The following LYPD6 variants were observed in gnomAD, a reference collection of about 807,000 sequenced individuals.
The protein encoded by LYPD6 is ly6/PLAUR domain-containing protein 6.
In LYPD6, 15 loss-of-function variants were observed where a neutral mutation model predicts 22.7. The observed-to-expected ratio is 0.66, with a 90% CI of 0.44 to 1.02. LYPD6 has a LOEUF of 1.02. Ranked by LOEUF, LYPD6 falls within the 50% of genes least tolerant of loss-of-function variation. The probability of loss-of-function intolerance (pLI) is 0.00; values close to 1 mark genes in which losing one functional copy is unlikely to be tolerated. For missense variants in LYPD6, 189 were observed against 208.4 expected (o/e 0.91, Z 0.57); for synonymous variants, 72 against 77.5 (o/e 0.93, Z 0.37).
intron 2 of LYPD6, among the ~76,000 whole-genome samples, chr2:149,440,693 C>CTTTTTTTTTTTTTT (rs764789006): frequency 2.2e-5 from 2 of 91,068 alleles, no homozygotes; most frequent in Non-Finnish European, 3.9e-5. Flanking sequence ...TTCTGTCCAC[C>CTTTTTTTTTTTTTT]TTTTTTTTTT....
chr2:149,459,653 G>A (rs1431599725), intron 3 of LYPD6, among the ~76,000 whole-genome samples: 3 of 152,186 alleles, frequency 2.0e-5, no homozygotes, highest in East Asian at 3.8e-4. Flanking sequence ...AGTAATCCCA[G>A]CACTTTGGGA....
chr2:149,415,091 A>G (rs1559143762), intron 1 of LYPD6, among the ~76,000 whole-genome samples: 1 of 152,200 alleles, frequency 6.6e-6, no homozygotes, highest in Admixed American at 6.5e-5. Context: ...TTATAGATGG[A>G]CACACACTCT....
intron 1 of LYPD6, among the ~76,000 whole-genome samples, chr2:149,387,698 C>T (rs1682218212): frequency 6.6e-6 from 1 of 152,062 alleles, no homozygotes; most frequent in African/African-American, 2.4e-5. Context: ...ACGAGGTGCT[C>T]CCAGCAAGGG....
At chr2:149,476,324 A>G (rs1295481840), downstream of LYPD6, among the ~76,000 whole-genome samples, 1 of 152,196 alleles carries the variant, frequency 6.6e-6, no homozygotes, top group Non-Finnish European at 1.5e-5. Context: ...TCATTCTAAT[A>G]TGAGAAGAAA....
intron 3 of LYPD6, among the ~76,000 whole-genome samples, chr2:149,454,267 A>T (rs908193814): frequency 1.3e-5 from 2 of 152,214 alleles, no homozygotes; most frequent in African/African-American, 4.8e-5. Context: ...ATATGAAGCA[A>T]TAGAACCCCA....
rs796579152 is a variant in LYPD6, at chr2:149,410,614, G to GA, written c.-71-27014dup. ...TAATCCTCTATTCCCCATGTCAATA[G>GA]AAAAAAAAAAGAGTGCAGATTGTCT... On this transcript the variant is annotated intron_variant, in intron 1 of 4. Transcript: ENST00000334166. Among the ~76,000 whole-genome samples, 531 of 148,174 alleles carry GA rather than the reference G, an allele frequency of 3.6e-3. 2 individuals are homozygous for GA. The highest frequency in any genetic ancestry group is 0.012 in the African/African-American group (485 of 40,540).
At chr2:149,388,155 A>C (rs1177233583) in intron 1 of LYPD6, among the ~76,000 whole-genome samples, 1 of 149,066 alleles carries the variant, frequency 6.7e-6, no homozygotes, top group African/African-American at 2.5e-5. Context: ...AATATGTGTA[A>C]CTACCTTTCT....
At chr2:149,461,487 T>C (rs1036918048) in intron 3 of LYPD6, among the ~76,000 whole-genome samples, 1 of 151,902 alleles carries the variant, frequency 6.6e-6, no homozygotes, top group Non-Finnish European at 1.5e-5. Flanking sequence ...CAATTCTAGA[T>C]AAAATCTTCC....
At chr2:149,377,659 A>G (rs1344691610) in intron 1 of LYPD6, among the ~76,000 whole-genome samples, 1 of 152,092 alleles carries the variant, frequency 6.6e-6, no homozygotes, top group African/African-American at 2.4e-5. Context: ...ACACACCTAT[A>G]GTTCCAGCTA....
chr2:149,478,062 TTAGC>T (rs79139734), downstream of LYPD6, among the ~76,000 whole-genome samples: 1,477 of 152,332 alleles, frequency 9.7e-3, 12 homozygotes, highest in Non-Finnish European at 0.017. Flanking sequence ...TTCCAGTCTG[TTAGC>T]TAGTATCTGC....
chr2:149,410,269 T>C (rs1221329295), intron 1 of LYPD6, among the ~76,000 whole-genome samples: 6 of 152,236 alleles, frequency 3.9e-5, no homozygotes, highest in Non-Finnish European at 8.8e-5. Context: ...AGTGCATCTG[T>C]TGGATACATT....
intron 2 of LYPD6, among the ~76,000 whole-genome samples, chr2:149,444,308 C>T (rs62190602): frequency 0.28 from 42,031 of 152,000 alleles, 7,209 homozygotes; most frequent in African/African-American, 0.49. Flanking sequence ...TAGTGAGTTA[C>T]AATCTTTTTG....
downstream of LYPD6, among the ~76,000 whole-genome samples, chr2:149,479,009 G>A (rs200791175): frequency 1.3e-5 from 2 of 152,180 alleles, no homozygotes; most frequent in South Asian, 2.1e-4. Flanking sequence ...TCACTGACCC[G>A]ATTTCCTCAC....
At chr2:149,450,194 T>G (rs2105163478) in intron 3 of LYPD6, among the ~76,000 whole-genome samples, 1 of 152,294 alleles carries the variant, frequency 6.6e-6, no homozygotes, top group South Asian at 2.1e-4. Context: ...TTTTCAAGCT[T>G]CAGCAGCAGC....
intron 1 of LYPD6, among the ~76,000 whole-genome samples, chr2:149,335,288 CAG>C (rs1216359784): frequency 1.3e-5 from 2 of 152,170 alleles, no homozygotes; most frequent in East Asian, 3.9e-4. Context: ...TGGTGGAAGA[CAG>C]TGATATTGAT....
chr2:149,380,251 T>C (rs1207595527), intron 1 of LYPD6, among the ~76,000 whole-genome samples: 1 of 152,210 alleles, frequency 6.6e-6, no homozygotes, highest in Non-Finnish European at 1.5e-5. Flanking sequence ...TTGTTATACC[T>C]CTGGATTTTA....
chr2:149,394,362 A>G (rs1360671165), intron 1 of LYPD6, among the ~76,000 whole-genome samples: 1 of 152,112 alleles, frequency 6.6e-6, no homozygotes, highest in African/African-American at 2.4e-5. Context: ...AAAAGTAGCA[A>G]TCATTATTCT....
At chr2:149,358,077 C>T (rs757711014) in intron 1 of LYPD6, among the ~76,000 whole-genome samples, 5 of 152,226 alleles carry the variant, frequency 3.3e-5, no homozygotes, top group South Asian at 2.1e-4. Context: ...TGAGCCACTG[C>T]GCCCGGCTGA....
chr2:149,437,428 A>C (rs1316896604), intron 1 of LYPD6, among the ~76,000 whole-genome samples: 3 of 152,166 alleles, frequency 2.0e-5, no homozygotes. Flanking sequence ...GATGGCTACC[A>C]GTGGAGCCTT....
Sources: allele counts gnomAD v4.1 joint callset (sites outside exome capture counted in the v4.1 genomes callset), GRCh38; gene constraint gnomAD v4.1.1; transcripts MANE v1.5; gene names NCBI Gene and HGNC (gene_info 2026-07-23, HGNC 2026-07-21).